The following RRM1 variants were observed in gnomAD, a reference collection of about 807,000 sequenced individuals.
RRM1 encodes the protein ribonucleotide reductase catalytic subunit M1, also known as ribonucleoside-diphosphate reductase large subunit.
RRM1 carries 19 observed loss-of-function variants against 101.5 expected under a neutral mutation model. The observed-to-expected ratio is 0.19, with a 90% confidence interval of 0.13 to 0.27. RRM1 has a LOEUF of 0.27. Ranked by LOEUF, RRM1 falls within the 10% of genes least tolerant of loss-of-function variation. RRM1 has a pLI of 1.00. For missense variants in RRM1, 500 were observed against 962.9 expected, an observed-to-expected ratio of 0.52 and a Z score of 6.36; for synonymous variants, 298 against 323.4, an observed-to-expected ratio of 0.92 and a Z score of 0.84.
chr11:4,098,076 GT>G (rs2094546039), intron 1 of RRM1, among the ~76,000 whole-genome samples: 2 of 152,126 alleles, frequency 1.3e-5, no homozygotes, highest in Non-Finnish European at 2.9e-5. Flanking sequence ...TAACTGAGTT[GT>G]AAACTGTTTT....
chr11:4,123,912 G>A (rs2133311266), intron 12 of RRM1, among the ~76,000 whole-genome samples: 1 of 152,304 alleles, frequency 6.6e-6, no homozygotes, highest in Middle Eastern at 3.4e-3. Flanking sequence ...TCTCAAGTCT[G>A]TAAAGAGACT....
At chr11:4,109,805 G>A in intron 5 of RRM1, 102 bp downstream of exon 5, 1 of 923,418 alleles carries the variant, frequency 1.1e-6, no homozygotes, top group Non-Finnish European at 1.6e-6. Flanking sequence ...TAAGTTGTTT[G>A]GAGTTGAGAT....
At chr11:4,134,271 C>T (rs1163607225) in intron 17 of RRM1, among the ~76,000 whole-genome samples, 1 of 152,084 alleles carries the variant, frequency 6.6e-6, no homozygotes, top group Non-Finnish European at 1.5e-5. Flanking sequence ...CGTGCCTGGC[C>T]TCAGACATCA....
intron 4 of RRM1, among the ~76,000 whole-genome samples, chr11:4,108,826 T>C (rs537439356): frequency 6.6e-6 from 1 of 151,820 alleles, no homozygotes; most frequent in Non-Finnish European, 1.5e-5. Context: ...ACTGGGCCCA[T>C]ACCTGCCTTT....
At chr11:4,135,327 G>T in intron 18 of RRM1, 57 bp downstream of exon 18, 1 of 1,361,874 alleles carries the variant, frequency 7.3e-7, no homozygotes, top group Non-Finnish European at 1.0e-6. Context: ...TTTGGCATTG[G>T]AATGATTTTA....
chr11:4,106,441 A>C (rs72555773), intron 3 of RRM1, among the ~76,000 whole-genome samples: 208 of 152,300 alleles, frequency 1.4e-3, no homozygotes, highest in Non-Finnish European at 2.5e-3. Flanking sequence ...TCTACGTTTT[A>C]AGAAAAATCT....
In RRM1 at chr11:4,132,524, G is replaced by T. The variant is rs753110250; in HGVS notation, c.1905+103G>T. 2.4e-6 allele frequency: 3 copies of T among 1,228,350 alleles called. No individual in the cohort carries two copies. The highest frequency in any genetic ancestry group is 3.5e-6 in the Non-Finnish European group (3 of 862,054). 76.1% of individuals were successfully genotyped at this position (1,228,350 alleles called of 1,614,324 possible). On this transcript the variant is annotated intron_variant, in intron 16 of 18. Coordinates refer to ENST00000300738, the MANE Select transcript of RRM1 (RefSeq NM_001033.5). This position sits in a 1 kb window ranked among gnomAD's most constrained non-coding sequence, Gnocchi z 4.1. ...ATTTGCCCATTTTCTTAGTTTGGGT[G>T]CAAACTTTGATAAAGACAGTCATCT...
At position 4,111,896 on chromosome 11, in the gene RRM1, A is replaced by G. The variant is rs922430980; in HGVS notation, c.488-4A>G. On this transcript the variant is annotated splice_region_variant and splice_polypyrimidine_tract_variant and intron_variant, in intron 6 of 18. Coordinates refer to ENST00000300738, the MANE Select transcript of RRM1 (RefSeq NM_001033.5). ...TCATGTGAAAACTCCTCTTTTGTCTATAGTGGCTGAAAGACCACAACATAT... is the reference window on the plus strand; with the variant it reads ...TCATGTGAAAACTCCTCTTTTGTCTGTAGTGGCTGAAAGACCACAACATAT... 3.1e-6 allele frequency: 5 copies of G among 1,612,046 alleles called. No individual in the cohort carries two copies. Among genetic ancestry groups the G allele is most frequent in the Admixed American group, 1.7e-5 (1 of 59,778 alleles).
chr11:4,110,006 T>G (rs1382318633), intron 5 of RRM1, among the ~76,000 whole-genome samples: 1 of 152,200 alleles, frequency 6.6e-6, no homozygotes, highest in African/African-American at 2.4e-5. Flanking sequence ...TATAGTATAG[T>G]GTAGTGACTG....
rs1231226298 is a variant in RRM1 at position 4,137,856 on chromosome 11, C to T, written c.2191-339C>T. ...GGCTGGCCGGGCTGGGGGCTGACTC[C>T]CCAACCTCCCTCCCGGACGGGGCGG... On this transcript the variant is annotated intron_variant, in intron 18 of 18. Transcript: ENST00000300738. Among the ~76,000 whole-genome samples, 80 of 29,092 alleles carry T rather than the reference C, an allele frequency of 2.7e-3. 35 individuals are homozygous for T. The highest frequency in any genetic ancestry group is 6.2e-3 in the African/African-American group (66 of 10,620). 19.1% of individuals were successfully genotyped at this position (29,092 alleles called of 152,430 possible). A position where few individuals can be genotyped will look rare whatever the true frequency, so the allele number is the denominator to read the frequency against.
intron 9 of RRM1, among the ~76,000 whole-genome samples, chr11:4,120,617 T>C (rs1010116199): frequency 1.3e-5 from 2 of 152,196 alleles, no homozygotes; most frequent in Non-Finnish European, 2.9e-5. Flanking sequence ...CTACCTGCCT[T>C]GGCCTCCCAA....
intron 5 of RRM1, among the ~76,000 whole-genome samples, chr11:4,111,191 A>C (rs1011126902): frequency 6.6e-6 from 1 of 151,960 alleles, no homozygotes; most frequent in Non-Finnish European, 1.5e-5. Context: ...AGTTTTTTTT[A>C]AAAAAAGTGC....
chr11:4,117,948 T>C (rs562890964), intron 7 of RRM1, among the ~76,000 whole-genome samples: 98 of 152,314 alleles, frequency 6.4e-4, no homozygotes, highest in African/African-American at 2.3e-3. Context: ...ATGTTTGTTT[T>C]TCTTGGCTTA....
intron 15 of RRM1, among the ~76,000 whole-genome samples, chr11:4,129,607 A>C (rs1188408387): frequency 5.1e-5 from 2 of 39,370 alleles, no homozygotes; most frequent in Non-Finnish European, 1.6e-4. Context: ...TGTTTAGACT[A>C]TATGAAAAAA....
intron 2 of RRM1, among the ~76,000 whole-genome samples, chr11:4,105,353 A>G (rs1590713840): frequency 6.6e-6 from 1 of 151,670 alleles, no homozygotes; most frequent in South Asian, 2.1e-4. Flanking sequence ...ACCTCAGCTT[A>G]CCCTGTAGCT....
intron 15 of RRM1, among the ~76,000 whole-genome samples, chr11:4,131,857 A>G (rs1286624664): frequency 2.6e-5 from 4 of 152,204 alleles, no homozygotes; most frequent in South Asian, 2.1e-4. Flanking sequence ...GCCTAGCACA[A>G]TGATTTTATA....
chr11:4,116,536 G>A (rs1471773916), intron 7 of RRM1, among the ~76,000 whole-genome samples: 1 of 152,110 alleles, frequency 6.6e-6, no homozygotes, highest in Non-Finnish European at 1.5e-5. Flanking sequence ...AGCTTGCAGT[G>A]AGCCAAGATC....
At chr11:4,103,020 A>C (rs1331903111) in intron 2 of RRM1, among the ~76,000 whole-genome samples, 1 of 152,020 alleles carries the variant, frequency 6.6e-6, no homozygotes, top group East Asian at 1.9e-4. Flanking sequence ...TTTCAAATCC[A>C]CCCATATTTC....
Position 4,109,658 on chromosome 11 carries a change from T to C in RRM1, c.402T>C (p.Ala134=). The C allele has an allele frequency of 8.7e-6, 14 of 1,610,116 alleles. No individual in the cohort carries two copies. The highest frequency in any genetic ancestry group is 1.2e-5 in the Non-Finnish European group (14 of 1,178,100). Residue 134 remains alanine, a synonymous_variant, in exon 5 of 19, where the codon GCT becomes GCC. Coordinates refer to ENST00000300738, the MANE Select transcript of RRM1 (RefSeq NM_001033.5). ...VLANKDRLNS[A]IIYDRDFSYN... is the part of the protein sequence containing the mutation. ...ACCCCTATCAGCGCCTGAATTCTGC[T>C]ATTATCTATGACCGAGATTTCTCTT...
Sources: gnomAD v4.1 joint callset for allele counts (sites outside exome capture counted in the v4.1 genomes callset) on GRCh38, gnomAD v4.1.1 for gene constraint, Gnocchi (gnomAD v3.1) non-coding constraint, MANE v1.5 for transcripts, NCBI Gene and HGNC (gene_info 2026-07-23, HGNC 2026-07-21) for gene names.